Variants in PSMD6 observed in about 807,000 individuals in gnomAD.
PSMD6 encodes the protein proteasome 26S subunit, non-ATPase 6, also known as 26S proteasome non-ATPase regulatory subunit 6.
Under a neutral mutation model 44.9 loss-of-function variants are expected in PSMD6, and 7 were observed. The ratio of observed to expected loss-of-function variants is 0.16; its 90% CI spans 0.09 to 0.29. The LOEUF (loss-of-function observed/expected upper bound fraction) is 0.29. PSMD6 is among the 10% of genes least tolerant of loss of function. The pLI is 1.00. For missense variants in PSMD6, 420 were observed against 482.6 expected (o/e 0.87, Z 1.21); for synonymous variants, 184 against 172.7 (o/e 1.07, Z -0.51).
upstream of PSMD6, chr3:64,023,566 C>T: frequency 1.4e-6 from 2 of 1,416,210 alleles, no homozygotes; most frequent in South Asian, 3.2e-5. Context: ...CTGCTGGACA[C>T]CTCCGGGAAC....
At chr3:64,023,926 A>G, upstream of PSMD6, 2 of 1,128,062 alleles carry the variant, frequency 1.8e-6, no homozygotes, top group Non-Finnish European at 2.5e-6. Flanking sequence ...AGGGAAACAG[A>G]CCAACCAAGG....
At chr3:64,017,863 T>C (rs1434168563) in intron 5 of PSMD6, 1 of 152,232 alleles carries the variant, frequency 6.6e-6, no homozygotes, top group Non-Finnish European at 1.5e-5. Flanking sequence ...TGTCAAATTT[T>C]AAGTTTTGGG....
intron 5 of PSMD6, chr3:64,014,890 A>C (rs548316805): frequency 6.6e-6 from 1 of 152,378 alleles, no homozygotes; most frequent in South Asian, 2.1e-4. Context: ...ATAAGAAACA[A>C]GGGCAATAAC....
At chr3:64,023,205 C>T in intron 1 of PSMD6, 70 bp downstream of exon 1, 6 of 1,476,570 alleles carry the variant, frequency 4.1e-6, no homozygotes, top group Non-Finnish European at 5.4e-6. Context: ...CAAAAAAAGT[C>T]CCCGCAGGCT....
intron 5 of PSMD6, chr3:64,017,268 A>G (rs1046272541): frequency 6.6e-6 from 1 of 152,196 alleles, no homozygotes; most frequent in East Asian, 1.9e-4. Context: ...ACTGAATTGT[A>G]CACTTGAGGT....
At chr3:64,022,630 C>T (rs1303710051) in intron 1 of PSMD6, 107 bp from the exon 2 acceptor site, 1 of 1,571,362 alleles carries the variant, frequency 6.4e-7, no homozygotes, top group African/African-American at 1.4e-5. Context: ...CCACCAGTCT[C>T]TTCCCCACTA....
At chr3:64,023,637 G>C, upstream of PSMD6, 1 of 1,425,306 alleles carries the variant, frequency 7.0e-7, no homozygotes, top group South Asian at 1.6e-5. Flanking sequence ...CCACCCTCAA[G>C]GCCCCCTGCG....
intron 1 of PSMD6, chr3:64,022,902 T>A (rs1182720841): frequency 6.8e-7 from 1 of 1,479,340 alleles, no homozygotes; most frequent in African/African-American, 1.4e-5. Context: ...AACCCAAATT[T>A]CCCTTCCACA....
intron 6 of PSMD6, chr3:64,011,311 C>A: frequency 5.9e-6 from 1 of 169,570 alleles, no homozygotes; most frequent in East Asian, 1.6e-4. Flanking sequence ...GGAACACAGC[C>A]CATCAGTAAA....
chr3:64,018,538 T>C, intron 5 of PSMD6, 61 bp downstream of exon 5: 1 of 1,272,828 alleles, frequency 7.9e-7, no homozygotes. Flanking sequence ...TTAGGTTATT[T>C]GCACATAGGA....
At position 64,022,493 on chromosome 3, in the gene PSMD6, T is replaced by A. The variant is rs369805299; in HGVS notation, c.176A>T (p.Lys59Ile). The A allele has an allele frequency of 6.2e-7, 1 of 1,613,934 alleles. No individual in the cohort carries two copies. Among genetic ancestry groups the A allele is most frequent in the East Asian group, 2.2e-5 (1 of 44,890 alleles). Residue 59 changes from lysine (K) to isoleucine (I), a missense_variant, in exon 2 of 8, where the codon AAA becomes ATA. Lys to Ile is a moderately radical substitution (Grantham distance 102). This residue lies in a region of PSMD6 where 136 missense variants were observed against 124.2 expected (regional missense o/e 1.09). Transcript: ENST00000295901. The part of the protein sequence containing the change: ...NMAPYYEALC[K>I]SLDWQIDVDL... ...CACGTCTATCTGCCAGTCGAGGGATTTGCACAAGGCTTCATAGTAAGGAGC... is the reference window on the plus strand; with the variant it reads ...CACGTCTATCTGCCAGTCGAGGGATATGCACAAGGCTTCATAGTAAGGAGC...
Position 64,022,339 on chromosome 3 carries a change from G to A in PSMD6, c.330C>T (p.Tyr110=), listed in dbSNP as rs1437052161. Residue 110 remains tyrosine, a synonymous_variant, in exon 2 of 8, where the codon TAC becomes TAT. Transcript: ENST00000295901. ...IRDAMMAKAE[Y]LCRIGDKEGA... is the part of the protein sequence containing the mutation. ...TCACTTTGTCACCTATCCGGCAGAG[G>A]TACTCGGCCTTTGCCATCATTGCAT... is the stretch of plus-strand genomic sequence containing the variant. 5 of 1,614,212 alleles carry A rather than the reference G, an allele frequency of 3.1e-6. No homozygotes were observed. The highest frequency in any genetic ancestry group is 2.2e-5 in the East Asian group (1 of 44,884).
intron 2 of PSMD6, among the ~76,000 whole-genome samples, chr3:64,020,794 T>C (rs931560321): frequency 2.0e-5 from 3 of 152,202 alleles, no homozygotes; most frequent in Non-Finnish European, 4.4e-5. Flanking sequence ...GTTTCATAAA[T>C]CATAATTACC....
chr3:64,022,522 G>T lies in PSMD6; in HGVS notation c.147C>A (p.Asn49Lys). The T allele has an allele frequency of 2.5e-6, 4 of 1,613,566 alleles. No individual in the cohort carries two copies. The highest frequency in any genetic ancestry group is 3.4e-6 in the Non-Finnish European group (4 of 1,179,464). The change falls in exon 2 of 8, where the codon AAC becomes AAA. Residue 49 changes from asparagine (N) to lysine (K), a missense_variant and splice_region_variant. Physicochemically the swap from Asn to Lys is moderately conservative, Grantham distance 94 (BLOSUM62 0). Coordinates refer to ENST00000295901, the MANE Select transcript of PSMD6 (RefSeq NM_014814.3). ...DELMAAVRDN[N>K]MAPYYEALCK... ...ACAAGGCTTCATAGTAAGGAGCCATGTCTAACATGCAAAAAGAGGGATGTG... is the reference window on the plus strand; with the variant it reads ...ACAAGGCTTCATAGTAAGGAGCCATTTCTAACATGCAAAAAGAGGGATGTG...
chr3:64,021,440 G>C (rs150283619), intron 2 of PSMD6, among the ~76,000 whole-genome samples: 190 of 152,240 alleles, frequency 1.2e-3, no homozygotes, highest in Non-Finnish European at 2.1e-3. Flanking sequence ...AAAAATTTCT[G>C]CAAGTATTAA....
At chr3:64,019,179 AC>A in intron 3 of PSMD6, 116 bp downstream of exon 3, 1 of 1,387,700 alleles carries the variant, frequency 7.2e-7, no homozygotes, top group Non-Finnish European at 1.0e-6. Context: ...CTAAATAAGT[AC>A]ATCAATTATT....
intron 5 of PSMD6, among the ~76,000 whole-genome samples, chr3:64,018,035 C>G (rs1020954422): frequency 6.6e-6 from 1 of 152,148 alleles, no homozygotes; most frequent in South Asian, 2.1e-4. Flanking sequence ...TGAAGGAATA[C>G]AATTACGTTC....
Position 64,010,916 on chromosome 3 carries a change from G to A in PSMD6, c.1035C>T (p.Cys345=), listed in dbSNP as rs77843045. 6.2e-4 allele frequency: 991 copies of A among 1,611,082 alleles called. 7 individuals carry two copies. The African/African-American group carries it at 0.012, about 19-fold the overall frequency. Residue 345 remains cysteine, a synonymous_variant, in exon 7 of 8, where the codon TGC becomes TGT. Coordinates refer to ENST00000295901, the MANE Select transcript of PSMD6 (RefSeq NM_014814.3). ...SRFIAAGRLH[C]KIDKVNEIVE... ...CTATTTCATTCACTTTATCTATTTT[G>A]CAGTGTAGTCTCCCGGCAGCAATAA...
In PSMD6 at chr3:64,010,613, T is replaced by C; in HGVS notation, c.*55A>G. ...GACCTGGGCACATTGTGAAGTAAGC[T>C]ATAAAAATTCCAAATAATTATCTCT... On this transcript the variant is annotated 3_prime_UTR_variant, in exon 8 of 8. Transcript: ENST00000295901. The C allele has an allele frequency of 7.7e-7, 1 of 1,294,058 alleles. No individual in the cohort carries two copies. Among genetic ancestry groups the C allele is most frequent in the Non-Finnish European group, 1.1e-6 (1 of 915,800 alleles). 80.2% of individuals were successfully genotyped at this position (1,294,058 alleles called of 1,614,324 possible).
Sources: allele counts gnomAD v4.1 joint callset (sites outside exome capture counted in the v4.1 genomes callset), GRCh38; gene constraint gnomAD v4.1.1; regional missense constraint gnomAD v4.1.1; transcripts MANE v1.5; gene names NCBI Gene and HGNC (gene_info 2026-07-23, HGNC 2026-07-21).